Variants in DIXDC1 observed in about 807,000 individuals in gnomAD.
The protein encoded by DIXDC1 is DIX domain containing 1.
Under a neutral mutation model 103.1 loss-of-function variants are expected in DIXDC1, and 64 were observed. The observed-to-expected ratio is 0.62, with a 90% confidence interval of 0.51 to 0.76. The LOEUF (loss-of-function observed/expected upper bound fraction) is 0.76, where lower values mean the gene tolerates loss of function less well. Ranked by LOEUF, DIXDC1 falls within the 30% of genes least tolerant of loss-of-function variation. The pLI, the probability that DIXDC1 is intolerant of heterozygous loss-of-function variation, is 0.00. For synonymous variants in DIXDC1, 266 were observed against 298.5 expected (o/e 0.89, Z 1.12); for missense variants, 759 against 834.2 (o/e 0.91, Z 1.11).
chr11:111,942,675 C>T (rs1468988952), intron 1 of DIXDC1, among the ~76,000 whole-genome samples: 3 of 152,204 alleles, frequency 2.0e-5, no homozygotes, highest in African/African-American at 7.2e-5. Context: ...GGACTCATAA[C>T]TGATGGAAAT....
intron 10 of DIXDC1, among the ~76,000 whole-genome samples, chr11:111,990,001 A>T (rs1289813276): frequency 1.0e-4 from 15 of 150,424 alleles, no homozygotes; most frequent in African/African-American, 3.7e-4. Context: ...CGTGTTAGCC[A>T]GGATGGTCTC....
chr11:111,942,219 C>G (rs1303103413), intron 1 of DIXDC1, among the ~76,000 whole-genome samples: 4 of 152,230 alleles, frequency 2.6e-5, no homozygotes, highest in Admixed American at 6.5e-5. Context: ...TGGCAGCAGG[C>G]TATCAGGCAG....
At chr11:111,951,665 TG>T (rs1966808909) in intron 1 of DIXDC1, among the ~76,000 whole-genome samples, 1 of 152,112 alleles carries the variant, frequency 6.6e-6, no homozygotes, top group African/African-American at 2.4e-5. Flanking sequence ...AATTGAATCA[TG>T]GGGGCAGGTC....
rs1555172451 is a variant in DIXDC1, at chr11:111,974,976, T to C, written c.649T>C (p.Cys217Arg). The change falls in exon 5 of 20, where the codon TGC becomes CGC. Residue 217 changes from cysteine (C) to arginine (R), a missense_variant. This residue lies in a region of DIXDC1 where 657 missense variants were observed against 727.5 expected (regional missense o/e 0.90). Coordinates refer to ENST00000440460, the MANE Select transcript of DIXDC1 (RefSeq NM_001037954.4). Reference protein sequence around the residue: ...GQQRSPSESSCSSLTSPSPIH... With the variant: ...GQQRSPSESSRSSLTSPSPIH... ...ACAAAGGTCCCCGTCTGAATCCAGC[T>C]GCTCCAGGTAACTGTGGCCTCTGAA... The C allele has an allele frequency of 6.2e-7, 1 of 1,611,308 alleles. No homozygotes were observed.
intron 17 of DIXDC1, among the ~76,000 whole-genome samples, chr11:112,012,014 A>T (rs1861437811): frequency 6.6e-6 from 1 of 152,224 alleles, no homozygotes; most frequent in Non-Finnish European, 1.5e-5. Context: ...TTCATAAAAT[A>T]TGTGCAATGA....
intron 10 of DIXDC1, among the ~76,000 whole-genome samples, chr11:111,990,326 G>A (rs1408003761): frequency 1.4e-5 from 2 of 144,252 alleles, no homozygotes; most frequent in Non-Finnish European, 3.1e-5. Context: ...CCTGACCTCA[G>A]GTGATCCACC....
rs782351278 is a variant in DIXDC1, at chr11:111,937,530, C to T, written c.31C>T (p.Leu11=). The T allele has an allele frequency of 1.9e-6, 3 of 1,596,160 alleles. No individual in the cohort carries two copies. The highest frequency in any genetic ancestry group is 3.5e-5 in the Admixed American group (2 of 57,370). Residue 11 remains leucine, a synonymous_variant, in exon 1 of 20, where the codon CTG becomes TTG. Coordinates refer to ENST00000440460, the MANE Select transcript of DIXDC1 (RefSeq NM_001037954.4). Reference sequence around the variant, plus strand: ...AGCCTGCCTGACCCGAGGGAACTTACTGGACGTCCTGCAGGAGGGCTTCAA... The same window carrying T: ...AGCCTGCCTGACCCGAGGGAACTTATTGGACGTCCTGCAGGAGGGCTTCAA... The part of the protein sequence containing the change: MLACLTRGNL[L]DVLQEGFNEQ...
At chr11:112,005,293 G>GTTT (rs1861199869) in intron 17 of DIXDC1, among the ~76,000 whole-genome samples, 2 of 152,078 alleles carry the variant, frequency 1.3e-5, no homozygotes, top group Admixed American at 1.3e-4. Flanking sequence ...GTATACTTGA[G>GTTT]AACAAGGAAT....
chr11:111,982,241 G>A, intron 6 of DIXDC1, 98 bp from the exon 7 acceptor site: 4 of 1,325,878 alleles, frequency 3.0e-6, no homozygotes, highest in South Asian at 1.5e-5. Flanking sequence ...GGTTCAGAAC[G>A]CAGGTGACCT....
Position 112,019,167 on chromosome 11 carries a change from A to G in DIXDC1, c.*131A>G. The stretch of plus-strand genomic sequence containing the variant: ...TGCCAAAACAGAAGCTTCTCCAAGC[A>G]TGATGGCCACAGGTCAGTCCTCTTT... On this transcript the variant is annotated 3_prime_UTR_variant, in exon 20 of 20. Transcript: ENST00000440460. 1.4e-6 allele frequency: 1 copy of G among 693,438 alleles called. No individual in the cohort carries two copies. 43.0% of individuals were successfully genotyped at this position (693,438 alleles called of 1,614,324 possible).
intron 2 of DIXDC1, among the ~76,000 whole-genome samples, chr11:111,930,275 G>A (rs1337526547): frequency 6.6e-6 from 1 of 152,070 alleles, no homozygotes; most frequent in African/African-American, 2.4e-5. Flanking sequence ...CTCCCACCCA[G>A]AAGCACACTG....
At chr11:111,982,715 A>G (rs1592594251) in intron 7 of DIXDC1, among the ~76,000 whole-genome samples, 1 of 152,258 alleles carries the variant, frequency 6.6e-6, no homozygotes, top group African/African-American at 2.4e-5. Flanking sequence ...CAGCAAGCCC[A>G]GGAGCCATTA....
At position 111,982,556 on chromosome 11, in the gene DIXDC1, A is replaced by G. The variant is rs1024209556; in HGVS notation, c.918+69A>G. The G allele has an allele frequency of 5.2e-6, 8 of 1,527,824 alleles. No individual in the cohort carries two copies. The South Asian group carries it at 1.0e-4, about 19-fold the overall frequency. The allele number at this position is 1,527,824 out of a possible 1,614,324, so 94.6% of individuals were successfully genotyped here. A position where few individuals can be genotyped will look rare whatever the true frequency, so the allele number is the denominator to read the frequency against. On this transcript the variant is annotated intron_variant, in intron 7 of 19. Coordinates refer to ENST00000440460, the MANE Select transcript of DIXDC1 (RefSeq NM_001037954.4). ...TATTAAGTCAGTATTATCAATGGAAAATAAACTGATTTTAGTTTTCTAGGA... is the reference window on the plus strand; with the variant it reads ...TATTAAGTCAGTATTATCAATGGAAGATAAACTGATTTTAGTTTTCTAGGA...
rs80316988 is a variant in DIXDC1 at position 111,958,417 on chromosome 11, G to A, written c.61-6132G>A. 5.3e-5 allele frequency among the ~76,000 whole-genome samples: 8 copies of A among 152,210 alleles called. No homozygotes were observed. In the East Asian group the frequency reaches 1.3e-3, roughly 26 times the overall value. On this transcript the variant is annotated intron_variant, in intron 1 of 19. Coordinates refer to ENST00000440460, the MANE Select transcript of DIXDC1 (RefSeq NM_001037954.4). The surrounding 1 kb of genome is among the most constrained non-coding windows in gnomAD (Gnocchi z 4.2). ...TCTCCCGACTCCCTGCACCTGCTCC[G>A]ATCTTGGAGCAAAGTTGAGGCCAAG...
At chr11:112,009,912 C>T (rs1400396508) in intron 17 of DIXDC1, among the ~76,000 whole-genome samples, 1 of 152,150 alleles carries the variant, frequency 6.6e-6, no homozygotes. Flanking sequence ...GACAGGGATG[C>T]CCTCTCTCAC....
chr11:112,003,845 G>T (rs1555176261), intron 17 of DIXDC1, among the ~76,000 whole-genome samples: 1 of 151,550 alleles, frequency 6.6e-6, no homozygotes, highest in Non-Finnish European at 1.5e-5. Flanking sequence ...GGATATCCCA[G>T]TTACTCTGAC....
chr11:112,010,356 ATC>A (rs1342218953), intron 17 of DIXDC1, among the ~76,000 whole-genome samples: 1 of 152,228 alleles, frequency 6.6e-6, no homozygotes, highest in African/African-American at 2.4e-5. Flanking sequence ...AAGAATAAAT[ATC>A]ATGAAAATGG....
intron 7 of DIXDC1, 125 bp from the exon 8 acceptor site, chr11:111,985,107 T>A: frequency 1.3e-6 from 1 of 779,180 alleles, no homozygotes; most frequent in East Asian, 2.7e-5. Flanking sequence ...GAGCAAAAAT[T>A]ACCAACGAAA....
chr11:111,993,241 T>TA (rs1376868203), intron 12 of DIXDC1, among the ~76,000 whole-genome samples: 4 of 152,214 alleles, frequency 2.6e-5, no homozygotes, highest in Admixed American at 2.6e-4. Context: ...GTTCTAGTCT[T>TA]ACCTTTATCT....
Sources: allele counts gnomAD v4.1 joint callset (sites outside exome capture counted in the v4.1 genomes callset), GRCh38; gene constraint gnomAD v4.1.1; regional missense constraint gnomAD v4.1.1; non-coding constraint Gnocchi (gnomAD v3.1); transcripts MANE v1.5; gene names NCBI Gene and HGNC (gene_info 2026-07-23, HGNC 2026-07-21).